MYPN: variants seen among roughly 807,000 people sequenced by gnomAD.
MYPN encodes the protein sarcomeric protein myopalladin, 145 kDa (MYOP).
MYPN carries 63 observed loss-of-function variants against 129.4 expected under a neutral mutation model. The ratio of observed to expected loss-of-function variants is 0.49; its 90% CI spans 0.40 to 0.60. The LOEUF is 0.60. Ranked by LOEUF, MYPN falls within the 20% of genes least tolerant of loss-of-function variation. MYPN has a pLI of 0.00. For missense variants in MYPN, 1,596 were observed against 1,635.4 expected (o/e 0.98, Z 0.42); for synonymous variants, 629 against 600.9 (o/e 1.05, Z -0.68).
At chr10:68,209,343 C>T (rs1174246263) in intron 19 of MYPN, among the ~76,000 whole-genome samples, 4 of 152,154 alleles carry the variant, frequency 2.6e-5, no homozygotes, top group Non-Finnish European at 5.9e-5. Flanking sequence ...AATAAATTAT[C>T]TTTTGTCCCT....
chr10:68,138,719 C>T (rs1340343351), intron 2 of MYPN, among the ~76,000 whole-genome samples: 3 of 152,156 alleles, frequency 2.0e-5, no homozygotes, highest in African/African-American at 4.8e-5. Flanking sequence ...TCCTATTCTG[C>T]AAGATGAAGG....
chr10:68,110,162 A>T (rs1264190096), intron 1 of MYPN, among the ~76,000 whole-genome samples: 1 of 152,188 alleles, frequency 6.6e-6, no homozygotes, highest in Non-Finnish European at 1.5e-5. Flanking sequence ...TACGCTTGCT[A>T]TATTTAGTGT....
At chr10:68,136,373 C>A in intron 2 of MYPN, 2 of 867,224 alleles carry the variant, frequency 2.3e-6, no homozygotes, top group Non-Finnish European at 2.9e-6. Context: ...CTGTAAGTGT[C>A]ATGAGGATTT....
intron 17 of MYPN, among the ~76,000 whole-genome samples, chr10:68,200,176 G>A (rs2043686110): frequency 6.6e-6 from 1 of 152,200 alleles, no homozygotes; most frequent in African/African-American, 2.4e-5. Flanking sequence ...CTGAAGAGAT[G>A]CTGAGCTCCT....
At chr10:68,205,635 C>T (rs1292806675) in intron 18 of MYPN, among the ~76,000 whole-genome samples, 2 of 151,314 alleles carry the variant, frequency 1.3e-5, no homozygotes, top group Non-Finnish European at 1.5e-5. Context: ...TGCAGTGAGC[C>T]GAGATCACAC....
chr10:68,124,271 T>C (rs1187623609), intron 2 of MYPN, among the ~76,000 whole-genome samples: 1 of 152,190 alleles, frequency 6.6e-6, no homozygotes. Flanking sequence ...AAAAATGTGG[T>C]TGAAGTGGAT....
chr10:68,105,466 G>A (rs540155109), upstream of MYPN, among the ~76,000 whole-genome samples: 18 of 152,312 alleles, frequency 1.2e-4, no homozygotes, highest in Admixed American at 1.0e-3. Flanking sequence ...TGTATACCTT[G>A]AGGAGTACAT....
At chr10:68,178,706 C>G (rs907767233) in intron 12 of MYPN, among the ~76,000 whole-genome samples, 26 of 110,796 alleles carry the variant, frequency 2.3e-4, no homozygotes, top group African/African-American at 6.5e-4. Context: ...GAGCGAGACT[C>G]TGCCTCAAAA....
At position 68,166,303 on chromosome 10, in the gene MYPN, A is replaced by G; in HGVS notation, c.1610A>G (p.Asp537Gly). The G allele has an allele frequency of 1.2e-6, 2 of 1,613,996 alleles. No individual in the cohort carries two copies. Among genetic ancestry groups the G allele is most frequent in the South Asian group, 1.1e-5 (1 of 91,066 alleles). ...GTGATTGTCCTTTCAGGAAATGAGG[A>G]CCTCAGCAACAACGGGTCTCTTCAC... ...IAQLHVRGNE[D>G]LSNNGSLHSA... Residue 537 changes from aspartate to glycine, a missense_variant, in exon 10 of 20, where the codon GAC (aspartate) becomes GGC (glycine). By Grantham distance (94) the Asp-to-Gly change is moderately conservative. Coordinates refer to ENST00000358913, the MANE Select transcript of MYPN (RefSeq NM_032578.4).
chr10:68,128,317 T>G (rs535638691), intron 2 of MYPN, among the ~76,000 whole-genome samples: 16 of 152,338 alleles, frequency 1.1e-4, no homozygotes, highest in African/African-American at 3.8e-4. Context: ...GCAGCACAAA[T>G]TTACCTTTTA....
chr10:68,106,288 G>GTTTTT, upstream of MYPN: 1 of 334,276 alleles, frequency 3.0e-6, no homozygotes, highest in Non-Finnish European at 5.8e-6. Flanking sequence ...TGAACTTTTA[G>GTTTTT]TTTTTTTTTT....
chr10:68,110,449 C>A (rs887588462), intron 1 of MYPN, among the ~76,000 whole-genome samples: 5 of 152,102 alleles, frequency 3.3e-5, no homozygotes, highest in Non-Finnish European at 5.9e-5. Flanking sequence ...TATTTCCAGT[C>A]CTCAAAAGTG....
intron 1 of MYPN, among the ~76,000 whole-genome samples, chr10:68,094,019 G>A (rs934531097): frequency 1.3e-5 from 2 of 152,058 alleles, no homozygotes; most frequent in South Asian, 2.1e-4. Context: ...GTGTCTTTTA[G>A]CATGCGAATA....
intron 2 of MYPN, among the ~76,000 whole-genome samples, chr10:68,127,319 C>CTTTTT (rs71470508): frequency 3.4e-4 from 25 of 72,574 alleles, no homozygotes; most frequent in South Asian, 6.3e-4. Flanking sequence ...ACACATATAT[C>CTTTTT]TTTTTTTTTT....
intron 4 of MYPN, among the ~76,000 whole-genome samples, chr10:68,147,745 C>G (rs2042693335): frequency 6.6e-6 from 1 of 152,168 alleles, no homozygotes; most frequent in Non-Finnish European, 1.5e-5. Context: ...ATCCACAGAC[C>G]TCTGTCTCTT....
At chr10:68,186,556 A>T (rs953609300) in intron 12 of MYPN, among the ~76,000 whole-genome samples, 1 of 152,168 alleles carries the variant, frequency 6.6e-6, no homozygotes, top group Non-Finnish European at 1.5e-5. Flanking sequence ...CTAGAGTCAT[A>T]AATTTAACCA....
upstream of MYPN, among the ~76,000 whole-genome samples, chr10:68,107,256 G>A (rs1018995436): frequency 6.6e-6 from 1 of 151,218 alleles, no homozygotes; most frequent in Admixed American, 6.6e-5. Context: ...CAAAAATTGT[G>A]TATGGTATCT....
chr10:68,172,943 G>A (rs919640532), intron 10 of MYPN, among the ~76,000 whole-genome samples: 28 of 151,970 alleles, frequency 1.8e-4, no homozygotes, highest in African/African-American at 6.8e-4. Flanking sequence ...CATGGTGGCA[G>A]ACACCTGTGG....
chr10:68,106,678 G>A (rs745880820), upstream of MYPN: 4 of 714,640 alleles, frequency 5.6e-6, no homozygotes, highest in South Asian at 5.9e-5. Context: ...TAAAAAAATA[G>A]CAAATGCAAA....
Sources: allele counts gnomAD v4.1 joint callset (sites outside exome capture counted in the v4.1 genomes callset), GRCh38; gene constraint gnomAD v4.1.1; transcripts MANE v1.5; gene names NCBI Gene and HGNC (gene_info 2026-07-23, HGNC 2026-07-21).